EPHA7: variants seen among roughly 807,000 people sequenced by gnomAD.
The protein encoded by EPHA7 is ephrin type-A receptor 7.
EPHA7 carries 25 observed loss-of-function variants against 112.6 expected under a neutral mutation model. The observed-to-expected ratio is 0.22, with a 90% CI of 0.16 to 0.31. EPHA7 has a LOEUF of 0.31. Among genes scored for constraint, EPHA7 ranks in the 10% least tolerant of loss-of-function variants. The pLI is 1.00. For synonymous variants in EPHA7, 437 were observed against 406.5 expected, an observed-to-expected ratio of 1.07 and a Z score of -0.90; for missense variants, 962 against 1,212.6, an observed-to-expected ratio of 0.79 and a Z score of 3.07.
intron 1 of EPHA7, among the ~76,000 whole-genome samples, chr6:93,417,823 G>C (rs1334286474): frequency 6.6e-6 from 1 of 152,092 alleles, no homozygotes; most frequent in Non-Finnish European, 1.5e-5. Flanking sequence ...GGGGTTCTCT[G>C]AATGGGTTCA....
chr6:93,396,616 A>C (rs1303631906), intron 3 of EPHA7, among the ~76,000 whole-genome samples: 1 of 151,886 alleles, frequency 6.6e-6, no homozygotes, highest in Non-Finnish European at 1.5e-5. Context: ...TAAAATGATA[A>C]AATGTTTTTA....
chr6:93,254,829 G>T (rs753746085), intron 13 of EPHA7, 33 bp from the exon 14 acceptor site: 20 of 1,557,430 alleles, frequency 1.3e-5, no homozygotes, highest in Non-Finnish European at 1.7e-5. Flanking sequence ...TTTTAAATAT[G>T]TATAATAACT....
intron 3 of EPHA7, among the ~76,000 whole-genome samples, chr6:93,378,956 C>T (rs1777197659): frequency 6.6e-6 from 1 of 152,024 alleles, no homozygotes; most frequent in South Asian, 2.1e-4. Context: ...CTAATCATTT[C>T]ATAAATGTAT....
intron 5 of EPHA7, among the ~76,000 whole-genome samples, chr6:93,303,881 CT>C (rs976879346): frequency 2.0e-5 from 3 of 152,062 alleles, no homozygotes; most frequent in Admixed American, 2.0e-4. Context: ...CCCGATTTTT[CT>C]TTGATTGAAT....
At chr6:93,356,674 T>C in intron 5 of EPHA7, 43 bp downstream of exon 5, 1 of 1,516,942 alleles carries the variant, frequency 6.6e-7, no homozygotes, top group South Asian at 1.2e-5. Flanking sequence ...CTCACTTAGG[T>C]AGTCACATTA....
At chr6:93,351,248 G>A (rs1297149255) in intron 5 of EPHA7, among the ~76,000 whole-genome samples, 7 of 152,014 alleles carry the variant, frequency 4.6e-5, no homozygotes, top group Non-Finnish European at 1.0e-4. Context: ...GTTCATTACA[G>A]GTAGAGCACT....
chr6:93,408,164 G>A (rs992830030), intron 3 of EPHA7, among the ~76,000 whole-genome samples: 2 of 151,828 alleles, frequency 1.3e-5, no homozygotes, highest in Non-Finnish European at 2.9e-5. Flanking sequence ...ACTTTTATAT[G>A]TATTTCTACT....
At chr6:93,268,877 A>G (rs1771075387) in intron 7 of EPHA7, among the ~76,000 whole-genome samples, 1 of 151,866 alleles carries the variant, frequency 6.6e-6, no homozygotes, top group South Asian at 2.1e-4. Flanking sequence ...ATATTCATTT[A>G]ATTATCTCCC....
Position 93,246,795 on chromosome 6 carries a change from C to T in EPHA7, c.2723G>A (p.Ser908Asn), listed in dbSNP as rs1244617177. 6 of 1,600,218 alleles carry T rather than the reference C, an allele frequency of 3.7e-6. No individual in the cohort carries two copies. The highest frequency in any genetic ancestry group is 2.7e-5 in the African/African-American group (2 of 74,736). ...NSLKTPLGTC[S>N]RPISPLLDQN... is the part of the protein sequence containing the mutation. Reference sequence around the variant, plus strand: ...CATTCCCTTAGGCATTTCTTACCTACTACAAGTTCCCAGGGGAGTTTTCAG... The same window carrying T: ...CATTCCCTTAGGCATTTCTTACCTATTACAAGTTCCCAGGGGAGTTTTCAG... The change falls in exon 15 of 17, where the codon AGT becomes AAT. Residue 908 changes from serine to asparagine, a missense_variant. This residue lies in a region of EPHA7 where 746 missense variants were observed against 889.2 expected (regional missense o/e 0.84). Coordinates refer to ENST00000369303, the MANE Select transcript of EPHA7 (RefSeq NM_004440.4).
Position 93,240,635 on chromosome 6 carries a change from AG to A in EPHA7, c.*2790del, listed in dbSNP as rs1011370398. 5.4e-4 allele frequency: 117 copies of A among 215,876 alleles called. No individual in the cohort carries two copies. Among genetic ancestry groups the A allele is most frequent in the African/African-American group, 2.4e-3 (109 of 44,556 alleles). 13.4% of individuals were successfully genotyped at this position (215,876 alleles called of 1,614,324 possible). Reference sequence around the variant, plus strand: ...AAGTGTGAGGACAGTGTTCTAAAAAAGGTGGCTCTATTAAAGCAAGGAGGCC... The same window carrying A: ...AAGTGTGAGGACAGTGTTCTAAAAAAGTGGCTCTATTAAAGCAAGGAGGCC... On this transcript the variant is annotated 3_prime_UTR_variant, in exon 17 of 17. Transcript: ENST00000369303.
In EPHA7 at chr6:93,393,026, GA is replaced by G. The variant is rs539914265; in HGVS notation, c.832+17474del. Reference sequence around the variant, plus strand: ...GATCATGAAACTAATACTAGTTTAAGAAAAAAATCTCATTTCATTAAATAAT... The same window carrying G: ...GATCATGAAACTAATACTAGTTTAAGAAAAAATCTCATTTCATTAAATAAT... On this transcript the variant is annotated intron_variant, in intron 3 of 16. Transcript: ENST00000369303. Among the ~76,000 whole-genome samples the G allele has an allele frequency of 3.4e-3, 519 of 151,790 alleles. 2 individuals are homozygous for G. Among genetic ancestry groups the G allele is most frequent in the African/African-American group, 7.0e-3 (289 of 41,482 alleles).
At chr6:93,370,449 A>G (rs1190015800) in intron 3 of EPHA7, among the ~76,000 whole-genome samples, 1 of 152,230 alleles carries the variant, frequency 6.6e-6, no homozygotes, top group Non-Finnish European at 1.5e-5. Flanking sequence ...CACTATTAAA[A>G]TAAATTCTAA....
chr6:93,272,769 A>G lies in EPHA7; in HGVS notation c.1325-347T>C, dbSNP rs530527673. The stretch of plus-strand genomic sequence containing the variant: ...ATCTCCAGTGATAAACTAAGTCCAA[A>G]TATTTATTTCACATGCAACAGCAAT... On this transcript the variant is annotated intron_variant, in intron 5 of 16. Coordinates refer to ENST00000369303, the MANE Select transcript of EPHA7 (RefSeq NM_004440.4). 1.8e-3 allele frequency among the ~76,000 whole-genome samples: 275 copies of G among 152,120 alleles called. 3 individuals are homozygous for G. Among genetic ancestry groups the G allele is most frequent in the African/African-American group, 6.4e-3 (264 of 41,542 alleles).
intron 5 of EPHA7, among the ~76,000 whole-genome samples, chr6:93,292,040 A>G (rs894011789): frequency 5.3e-5 from 8 of 152,128 alleles, no homozygotes; most frequent in African/African-American, 1.9e-4. Flanking sequence ...ATTAAACAAT[A>G]ACATATGATT....
intron 5 of EPHA7, among the ~76,000 whole-genome samples, chr6:93,299,750 A>G (rs1241224055): frequency 6.6e-6 from 1 of 152,222 alleles, no homozygotes; most frequent in Non-Finnish European, 1.5e-5. Flanking sequence ...AAGACTGGAT[A>G]AAGAAAACGT....
chr6:93,281,678 G>T (rs1310288138), intron 5 of EPHA7, among the ~76,000 whole-genome samples: 2 of 151,932 alleles, frequency 1.3e-5, no homozygotes, highest in Non-Finnish European at 2.9e-5. Flanking sequence ...TTTGACCTCA[G>T]AACTTTTTTT....
chr6:93,348,910 A>T lies in EPHA7; in HGVS notation c.1324+7807T>A, dbSNP rs78375579. On this transcript the variant is annotated intron_variant, in intron 5 of 16. Coordinates refer to ENST00000369303, the MANE Select transcript of EPHA7 (RefSeq NM_004440.4). The stretch of plus-strand genomic sequence containing the variant: ...TTTTCCCCTAATGAAGCCTAAGAGG[A>T]AAGATAAACTTTTCACAACTAATAT... 6.6e-5 allele frequency among the ~76,000 whole-genome samples: 10 copies of T among 151,474 alleles called. No individual in the cohort carries two copies. In the East Asian group the frequency reaches 1.4e-3, roughly 21 times the overall value.
Position 93,368,470 on chromosome 6 carries a change from G to C in EPHA7, c.833-10059C>G, listed in dbSNP as rs16871266. The stretch of plus-strand genomic sequence containing the variant: ...CTTGATTTTCAATGAGGCTAATGAA[G>C]GATCTGGCAATATAAGAATATTCTA... On this transcript the variant is annotated intron_variant, in intron 3 of 16. Transcript: ENST00000369303. 8.1e-3 allele frequency among the ~76,000 whole-genome samples: 1,237 copies of C among 152,108 alleles called. 26 individuals carry two copies. Among genetic ancestry groups the C allele is most frequent in the African/African-American group, 0.028 (1,147 of 41,512 alleles).
intron 1 of EPHA7, among the ~76,000 whole-genome samples, chr6:93,418,254 A>G (rs1779343745): frequency 6.6e-6 from 1 of 152,148 alleles, no homozygotes; most frequent in Non-Finnish European, 1.5e-5. Context: ...CCCAGCTCCA[A>G]CTACAGGCAC....
Sources: gnomAD v4.1 joint callset for allele counts (sites outside exome capture counted in the v4.1 genomes callset) on GRCh38, gnomAD v4.1.1 for gene constraint, gnomAD v4.1.1 regional missense constraint, MANE v1.5 for transcripts, NCBI Gene and HGNC (gene_info 2026-07-23, HGNC 2026-07-21) for gene names.